Variants in RALYL observed in about 807,000 individuals in gnomAD.
RALYL encodes the protein RNA-binding Raly-like protein.
In RALYL, 29 loss-of-function variants were observed where a neutral mutation model predicts 35.1. The ratio of observed to expected loss-of-function variants is 0.83; its 90% confidence interval spans 0.61 to 1.13. RALYL has a LOEUF of 1.13. RALYL is among the 50% of genes most tolerant of loss of function. The pLI, the probability that RALYL is intolerant of heterozygous loss-of-function variation, is 0.00. For synonymous variants in RALYL, 120 were observed against 127.6 expected (o/e 0.94, Z 0.40); for missense variants, 359 against 360.4 (o/e 1.00, Z 0.03).
At chr8:84,708,885 T>C (rs1229676779) in intron 2 of RALYL, among the ~76,000 whole-genome samples, 2 of 152,138 alleles carry the variant, frequency 1.3e-5, no homozygotes, top group African/African-American at 2.4e-5. Context: ...GTAGAAGCCA[T>C]AGGATTTTGA....
intron 1 of RALYL, among the ~76,000 whole-genome samples, chr8:84,422,595 T>C (rs2132435163): frequency 8.4e-6 from 1 of 119,524 alleles, no homozygotes; most frequent in Middle Eastern, 4.0e-3. Context: ...TGCTAGCTTT[T>C]GAATGTGTTT....
intron 1 of RALYL, among the ~76,000 whole-genome samples, chr8:84,314,771 C>A (rs187748230): frequency 6.6e-6 from 1 of 151,640 alleles, no homozygotes; most frequent in Admixed American, 6.6e-5. Flanking sequence ...TCACCATAAG[C>A]GAAATATAAC....
intron 1 of RALYL, among the ~76,000 whole-genome samples, chr8:84,335,312 C>T (rs139121989): frequency 6.6e-5 from 10 of 152,278 alleles, no homozygotes; most frequent in Admixed American, 2.6e-4. Flanking sequence ...TGTTTCCTTG[C>T]TCCCAGATGA....
At chr8:84,691,146 T>C (rs1837961547) in intron 2 of RALYL, among the ~76,000 whole-genome samples, 1 of 152,126 alleles carries the variant, frequency 6.6e-6, no homozygotes, top group African/African-American at 2.4e-5. Context: ...AAAATTACTT[T>C]CTTTAGTTTT....
chr8:84,198,016 C>T (rs74352522), intron 1 of RALYL, among the ~76,000 whole-genome samples: 1,909 of 152,168 alleles, frequency 0.013, 47 homozygotes, highest in African/African-American at 0.043. Flanking sequence ...TGAAGTAGTT[C>T]CTCACTGATG....
rs537610935 is a variant in RALYL at position 84,362,933 on chromosome 8, G to T, written c.-23-166366G>T. ...GATTGGGATTAAACCTTATACAATT[G>T]CAGGACACAGTGGGGAAATAAGTGT... On this transcript the variant is annotated intron_variant, in intron 1 of 8. Transcript: ENST00000521268. Among the ~76,000 whole-genome samples, 53 of 152,230 alleles carry T rather than the reference G, an allele frequency of 3.5e-4. 1 individual carries two copies. In the South Asian group the frequency reaches 7.5e-3, roughly 21 times the overall value.
At chr8:84,909,160 C>T (rs1208902652) in intron 8 of RALYL, among the ~76,000 whole-genome samples, 1 of 152,026 alleles carries the variant, frequency 6.6e-6, no homozygotes, top group East Asian at 1.9e-4. Flanking sequence ...CTCAAATGTC[C>T]TCATTTTTAA....
chr8:84,778,800 GGA>G (rs1405309158), intron 3 of RALYL, among the ~76,000 whole-genome samples: 2 of 152,128 alleles, frequency 1.3e-5, no homozygotes, highest in African/African-American at 2.4e-5. Flanking sequence ...TGGGGTGTGA[GGA>G]GAGAGAGTCA....
At chr8:84,254,194 A>C (rs1830781596) in intron 1 of RALYL, among the ~76,000 whole-genome samples, 2 of 152,146 alleles carry the variant, frequency 1.3e-5, no homozygotes, top group Non-Finnish European at 2.9e-5. Flanking sequence ...TGCCTTTTTA[A>C]TATCAACACT....
At chr8:84,325,110 T>G (rs1845567837) in intron 1 of RALYL, among the ~76,000 whole-genome samples, 1 of 152,144 alleles carries the variant, frequency 6.6e-6, no homozygotes, top group African/African-American at 2.4e-5. Context: ...TGTCCACAAT[T>G]CTATGAAACT....
chr8:84,222,159 C>T (rs1822388009), intron 1 of RALYL, among the ~76,000 whole-genome samples: 1 of 151,764 alleles, frequency 6.6e-6, no homozygotes, highest in African/African-American at 2.4e-5. Context: ...GAGTGGTATG[C>T]AGAGGTAAAT....
chr8:84,365,273 T>C (rs985034058), intron 1 of RALYL, among the ~76,000 whole-genome samples: 1 of 152,170 alleles, frequency 6.6e-6, no homozygotes, highest in African/African-American at 2.4e-5. Flanking sequence ...TCTTACATAT[T>C]GAAGACACAA....
At chr8:84,515,340 T>G (rs551583828) in intron 1 of RALYL, among the ~76,000 whole-genome samples, 2 of 152,314 alleles carry the variant, frequency 1.3e-5, no homozygotes, top group East Asian at 3.9e-4. Flanking sequence ...TTGTATATAG[T>G]GGGCACTAGC....
At chr8:84,727,630 A>G in intron 2 of RALYL, among the ~76,000 whole-genome samples, 2 of 66,788 alleles carry the variant, frequency 3.0e-5, no homozygotes, top group Admixed American at 4.5e-4. Flanking sequence ...CCCTCCCCCC[A>G]CCCCACAACA....
chr8:84,634,202 G>A (rs1005025168), intron 2 of RALYL, among the ~76,000 whole-genome samples: 4 of 151,582 alleles, frequency 2.6e-5, no homozygotes, highest in Admixed American at 1.3e-4. Flanking sequence ...CTAGTCACAC[G>A]GATTTATGTG....
rs199823649 is a variant in RALYL, at chr8:84,908,863, C to CT, written c.859-12017dup. 6.7e-3 allele frequency among the ~76,000 whole-genome samples: 949 copies of CT among 140,944 alleles called. 38 individuals are homozygous for CT. The East Asian group carries it at 0.1, about 15-fold the overall frequency. 92.5% of individuals were successfully genotyped at this position (140,944 alleles called of 152,430 possible). A position where few individuals can be genotyped will look rare whatever the true frequency, so the allele number is the denominator to read the frequency against. Reference sequence around the variant, plus strand: ...TCTGACTGGATGTCACCCTCCAGCACTTTTTTTTTTTTTTGCGCAACTTTC... The same window carrying CT: ...TCTGACTGGATGTCACCCTCCAGCACTTTTTTTTTTTTTTTGCGCAACTTTC... On this transcript the variant is annotated intron_variant, in intron 8 of 8. Coordinates refer to ENST00000521268, the MANE Select transcript of RALYL (RefSeq NM_173848.7).
chr8:84,321,461 G>C (rs1844790296), intron 1 of RALYL, among the ~76,000 whole-genome samples: 2 of 152,088 alleles, frequency 1.3e-5, no homozygotes, highest in Non-Finnish European at 2.9e-5. Flanking sequence ...ATTTTAATAA[G>C]TTGCTAGAGC....
At chr8:84,619,147 C>G (rs950474995) in intron 2 of RALYL, among the ~76,000 whole-genome samples, 1 of 151,384 alleles carries the variant, frequency 6.6e-6, no homozygotes, top group African/African-American at 2.4e-5. Flanking sequence ...CCTGGGTATC[C>G]TTGTTGACTT....
chr8:84,879,554 T>C (rs561040822), intron 7 of RALYL, among the ~76,000 whole-genome samples: 3 of 152,114 alleles, frequency 2.0e-5, no homozygotes, highest in East Asian at 1.9e-4. Flanking sequence ...TGTCAACAGA[T>C]AGTGCATAAA....
Sources: gnomAD v4.1 joint callset for allele counts (sites outside exome capture counted in the v4.1 genomes callset) on GRCh38, gnomAD v4.1.1 for gene constraint, MANE v1.5 for transcripts, NCBI Gene and HGNC (gene_info 2026-07-23, HGNC 2026-07-21) for gene names.